Variants in SH3GLB1 observed in about 807,000 individuals in gnomAD.
SH3GLB1 encodes SH3 domain containing GRB2 like, endophilin B1.
SH3GLB1 carries 17 observed loss-of-function variants against 42.0 expected under a neutral mutation model. The observed-to-expected ratio is 0.40, with a 90% CI of 0.28 to 0.61. The LOEUF (loss-of-function observed/expected upper bound fraction) is 0.61. SH3GLB1 is among the 20% of genes least tolerant of loss of function. The probability of loss-of-function intolerance (pLI) is 0.36; values close to 1 mark genes in which losing one functional copy is unlikely to be tolerated. For missense variants in SH3GLB1, 355 were observed against 426.3 expected (o/e 0.83, Z 1.47); for synonymous variants, 132 against 146.6 (o/e 0.90, Z 0.72).
At chr1:86,714,121 T>C (rs1457920021) in intron 1 of SH3GLB1, among the ~76,000 whole-genome samples, 1 of 152,252 alleles carries the variant, frequency 6.6e-6, no homozygotes, top group Admixed American at 6.5e-5. Flanking sequence ...TTATAGGTGA[T>C]GTTCACCTGA....
intron 4 of SH3GLB1, among the ~76,000 whole-genome samples, 165 bp from the exon 5 acceptor site, chr1:86,724,148 T>TG (rs3830853): frequency 0.016 from 2,125 of 132,880 alleles, 43 homozygotes; most frequent in African/African-American, 0.041. Context: ...AACAAGGGGG[T>TG]GGGGGGGGGC....
chr1:86,737,179 A>G (rs1038897127), intron 7 of SH3GLB1, among the ~76,000 whole-genome samples: 1 of 152,218 alleles, frequency 6.6e-6, no homozygotes, highest in Non-Finnish European at 1.5e-5. Context: ...AATTTTTTTA[A>G]TAATTGGAAG....
intron 2 of SH3GLB1, among the ~76,000 whole-genome samples, chr1:86,716,148 A>G (rs1468418474): frequency 6.6e-6 from 1 of 152,224 alleles, no homozygotes; most frequent in Non-Finnish European, 1.5e-5. Context: ...GTGTATATAA[A>G]TATGTTTTCC....
chr1:86,744,872 T>A lies in SH3GLB1; in HGVS notation c.*1637T>A, dbSNP rs185347963. The stretch of plus-strand genomic sequence containing the variant: ...TGCAGTTTTATAGTTGTACAAGATG[T>A]TTTGACTCACTCTCAATTGCCATAT... On this transcript the variant is annotated 3_prime_UTR_variant, in exon 9 of 9. Coordinates refer to ENST00000370558, the MANE Select transcript of SH3GLB1 (RefSeq NM_016009.5). 1 of 152,290 alleles carries A rather than the reference T, an allele frequency of 6.6e-6. No homozygotes were observed. The highest frequency in any genetic ancestry group is 1.5e-5 in the Non-Finnish European group (1 of 67,996). The allele number at this position is 152,290 out of a possible 1,614,324, so 9.4% of individuals were successfully genotyped here.
At chr1:86,738,421 A>G (rs1655888409) in intron 7 of SH3GLB1, among the ~76,000 whole-genome samples, 1 of 151,794 alleles carries the variant, frequency 6.6e-6, no homozygotes, top group Admixed American at 6.6e-5. Context: ...ACCCACCACC[A>G]CACCCAGCTA....
At chr1:86,728,550 G>T (rs556492286) in intron 5 of SH3GLB1, 4 of 977,480 alleles carry the variant, frequency 4.1e-6, no homozygotes, top group South Asian at 1.8e-5. Context: ...GCTATTAGCC[G>T]CTTGTAAAAT....
At chr1:86,730,389 C>T (rs750946329) in intron 5 of SH3GLB1, 1 of 984,646 alleles carries the variant, frequency 1.0e-6, no homozygotes, top group African/African-American at 1.7e-5. Flanking sequence ...CTATAGAAGG[C>T]AGGCGAAATG....
In SH3GLB1 at chr1:86,715,762, A is replaced by T; in HGVS notation, c.111A>T (p.Glu37Asp). The T allele has an allele frequency of 6.2e-7, 1 of 1,611,224 alleles. No homozygotes were observed. Among genetic ancestry groups the T allele is most frequent in the Non-Finnish European group, 8.5e-7 (1 of 1,179,314 alleles). ...EEKLGQAEKT[E>D]LDAHLENLLS... ...AGCTTGGCCAGGCTGAGAAGACAGA[A>T]TTGGATGCTCACTTAGAGAACCTCC... Residue 37 changes from glutamate to aspartate, a missense_variant, in exon 2 of 9, where the codon GAA becomes GAT. Coordinates refer to ENST00000370558, the MANE Select transcript of SH3GLB1 (RefSeq NM_016009.5).
chr1:86,730,110 A>C, intron 5 of SH3GLB1: 1 of 1,595,338 alleles, frequency 6.3e-7, no homozygotes, highest in South Asian at 1.1e-5. Context: ...GAGGTGACAA[A>C]AGTAAGTAAA....
At chr1:86,730,004 T>C (rs535170469) in intron 5 of SH3GLB1, 23 of 1,308,808 alleles carry the variant, frequency 1.8e-5, no homozygotes, top group African/African-American at 1.2e-4. Context: ...TAAACAAATA[T>C]TTATATTTTT....
intron 5 of SH3GLB1, among the ~76,000 whole-genome samples, chr1:86,724,912 T>TATAA (rs1380448898): frequency 0.012 from 1,446 of 122,662 alleles, 22 homozygotes; most frequent in African/African-American, 0.019. Flanking sequence ...TATATATATA[T>TATAA]AAAATATATA....
chr1:86,739,651 C>G (rs1281149457), intron 7 of SH3GLB1, among the ~76,000 whole-genome samples: 1 of 151,962 alleles, frequency 6.6e-6, no homozygotes, highest in Non-Finnish European at 1.5e-5. Flanking sequence ...TGGGGTCTAG[C>G]AATTTTTTGC....
At chr1:86,708,052 T>C (rs537677605) in intron 1 of SH3GLB1, among the ~76,000 whole-genome samples, 1 of 152,232 alleles carries the variant, frequency 6.6e-6, no homozygotes, top group Non-Finnish European at 1.5e-5. Context: ...TGAGGTTTCA[T>C]TATACTGTTA....
At chr1:86,706,084 C>T (rs1653849653) in intron 1 of SH3GLB1, among the ~76,000 whole-genome samples, 1 of 152,182 alleles carries the variant, frequency 6.6e-6, no homozygotes, top group Non-Finnish European at 1.5e-5. Context: ...CTTTGTAATG[C>T]ATTTGACATA....
At chr1:86,732,768 T>C (rs998458413) in intron 5 of SH3GLB1, among the ~76,000 whole-genome samples, 9 of 152,136 alleles carry the variant, frequency 5.9e-5, no homozygotes, top group Non-Finnish European at 8.8e-5. Context: ...AAATATTATT[T>C]CTACTTCAGT....
At position 86,746,534 on chromosome 1, in the gene SH3GLB1, A is replaced by T. The variant is rs1369135554; in HGVS notation, c.*3299A>T. 6.6e-6 allele frequency: 1 copy of T among 152,248 alleles called. No homozygotes were observed. Among genetic ancestry groups the T allele is most frequent in the Non-Finnish European group, 1.5e-5 (1 of 68,116 alleles). 9.4% of individuals were successfully genotyped at this position (152,248 alleles called of 1,614,324 possible). A position where few individuals can be genotyped will look rare whatever the true frequency, so the allele number is the denominator to read the frequency against. ...TCTCAAACGCTGGAGAGAGAGTTCC[A>T]CAACCACCCCTGCCCTTTCTCCCAT... On this transcript the variant is annotated 3_prime_UTR_variant, in exon 9 of 9. Coordinates refer to ENST00000370558, the MANE Select transcript of SH3GLB1 (RefSeq NM_016009.5).
rs539283388 is a variant in SH3GLB1, at chr1:86,711,512, C to A, written c.73-4212C>A. 2.5e-3 allele frequency among the ~76,000 whole-genome samples: 376 copies of A among 152,018 alleles called. 2 individuals are homozygous for A. Among genetic ancestry groups the A allele is most frequent in the African/African-American group, 8.7e-3 (362 of 41,486 alleles). ...AGTTTAATGACTTACTAAGAAGATG[C>A]TTATTTACAGTTTGCCTTTTATTTT... On this transcript the variant is annotated intron_variant, in intron 1 of 8. Coordinates refer to ENST00000370558, the MANE Select transcript of SH3GLB1 (RefSeq NM_016009.5).
chr1:86,717,170 A>C (rs1231979458), intron 2 of SH3GLB1, among the ~76,000 whole-genome samples: 3 of 152,186 alleles, frequency 2.0e-5, no homozygotes, highest in Admixed American at 1.3e-4. Flanking sequence ...AGTGAGTCCT[A>C]ATGTCTTTGG....
At chr1:86,722,697 A>G (rs1278260783) in intron 4 of SH3GLB1, 24 bp downstream of exon 4, 1 of 1,563,778 alleles carries the variant, frequency 6.4e-7, no homozygotes, top group East Asian at 2.3e-5. Context: ...TGTCCCCTTT[A>G]TTTAGTAAAA....
Sources: gnomAD v4.1 joint callset for allele counts (sites outside exome capture counted in the v4.1 genomes callset) on GRCh38, gnomAD v4.1.1 for gene constraint, MANE v1.5 for transcripts, NCBI Gene and HGNC (gene_info 2026-07-23, HGNC 2026-07-21) for gene names.